Variants in SOX5 observed in about 807,000 individuals in gnomAD.
SOX5 encodes the protein SRY-box transcription factor 5.
In SOX5, 9 loss-of-function variants were observed where a neutral mutation model predicts 92.0. The ratio of observed to expected loss-of-function variants is 0.10; its 90% CI spans 0.06 to 0.17. SOX5 has a LOEUF of 0.17. Ranked by LOEUF, SOX5 falls within the 10% of genes least tolerant of loss-of-function variation. The pLI, the probability that SOX5 is intolerant of heterozygous loss-of-function variation, is 1.00. For missense variants in SOX5, 642 were observed against 944.5 expected (o/e 0.68, Z 4.20); for synonymous variants, 344 against 336.3 (o/e 1.02, Z -0.25).
chr12:24,014,961 T>C (rs1024197183), intron 4 of SOX5, among the ~76,000 whole-genome samples: 2 of 152,088 alleles, frequency 1.3e-5, no homozygotes, highest in African/African-American at 2.4e-5. Context: ...TTGGAGCTTA[T>C]CTCTTTCATC....
chr12:24,538,572 C>A (rs1342870538), intron 1 of SOX5, among the ~76,000 whole-genome samples: 1 of 148,818 alleles, frequency 6.7e-6, no homozygotes, highest in East Asian at 2.0e-4. Flanking sequence ...CAGATGTTGG[C>A]ATTACTTGGT....
At chr12:23,669,125 T>C (rs1012367836) in intron 6 of SOX5, among the ~76,000 whole-genome samples, 36 of 152,150 alleles carry the variant, frequency 2.4e-4, no homozygotes, top group Admixed American at 7.2e-4. Flanking sequence ...TTCACATACA[T>C]GGATGCTCTC....
chr12:24,084,052 G>A (rs946239168), intron 4 of SOX5, among the ~76,000 whole-genome samples: 3 of 152,052 alleles, frequency 2.0e-5, no homozygotes, highest in Non-Finnish European at 4.4e-5. Context: ...AAGGCACTGA[G>A]GAGATAAAAA....
chr12:24,285,393 T>C (rs763361971), intron 2 of SOX5, among the ~76,000 whole-genome samples: 12 of 152,192 alleles, frequency 7.9e-5, no homozygotes, highest in Non-Finnish European at 7.3e-5. Flanking sequence ...ATAATATTCA[T>C]GTTTTCATGT....
chr12:23,836,642 C>A (rs890348178), intron 3 of SOX5, among the ~76,000 whole-genome samples: 2 of 151,724 alleles, frequency 1.3e-5, no homozygotes, highest in African/African-American at 2.4e-5. Context: ...GGGGTAAGGT[C>A]GGAAATAATA....
chr12:23,780,368 T>C (rs2095250730), intron 3 of SOX5, among the ~76,000 whole-genome samples: 1 of 151,950 alleles, frequency 6.6e-6, no homozygotes, highest in African/African-American at 2.4e-5. Context: ...ATTTTATAGA[T>C]TTTTTTCTTC....
At chr12:24,470,731 A>G (rs1944725490) in intron 1 of SOX5, among the ~76,000 whole-genome samples, 1 of 152,206 alleles carries the variant, frequency 6.6e-6, no homozygotes, top group Non-Finnish European at 1.5e-5. Flanking sequence ...TCTGTGTTCA[A>G]ATCTCACTCC....
chr12:24,164,400 C>G (rs1293895282), intron 4 of SOX5, among the ~76,000 whole-genome samples: 1 of 151,988 alleles, frequency 6.6e-6, no homozygotes, highest in South Asian at 2.1e-4. Context: ...TCTAATTTCT[C>G]ACTCCTAGGC....
At chr12:24,492,055 C>T (rs1041679284) in intron 1 of SOX5, among the ~76,000 whole-genome samples, 3 of 152,140 alleles carry the variant, frequency 2.0e-5, no homozygotes, top group Non-Finnish European at 4.4e-5. Flanking sequence ...CATTCTCACC[C>T]ACCTTTTGGT....
intron 6 of SOX5, among the ~76,000 whole-genome samples, chr12:23,719,943 G>GTAA (rs575334039): frequency 1.7e-4 from 26 of 152,270 alleles, no homozygotes; most frequent in African/African-American, 6.0e-4. Context: ...AAGAGACAGT[G>GTAA]TAAAAGAGAG....
chr12:24,074,053 A>C (rs1474342227), intron 4 of SOX5, among the ~76,000 whole-genome samples: 1 of 152,278 alleles, frequency 6.6e-6, no homozygotes, highest in African/African-American at 2.4e-5. Flanking sequence ...CCCTCAAAAA[A>C]AAAAGCTCAG....
rs1301634783 is a variant in SOX5, at chr12:23,718,095, A to G, written c.810+16589T>C. Among the ~76,000 whole-genome samples the G allele has an allele frequency of 4.0e-5, 6 of 149,510 alleles. No homozygotes were observed. The East Asian group carries it at 1.2e-3, about 30-fold the overall frequency. ...GATAATTTTTAAAAACCTTTCTGCA[A>G]AGGAGTATATTTTTTAAAAAATCAA... is the stretch of plus-strand genomic sequence containing the variant. On this transcript the variant is annotated intron_variant, in intron 6 of 14. Transcript: ENST00000451604.
chr12:23,759,266 A>G (rs2094500913), intron 3 of SOX5, among the ~76,000 whole-genome samples: 1 of 152,018 alleles, frequency 6.6e-6, no homozygotes, highest in Admixed American at 6.6e-5. Context: ...CTTGCACTCT[A>G]GGATTCTGGA....
chr12:23,610,131 A>G (rs895445472), intron 8 of SOX5, among the ~76,000 whole-genome samples: 2 of 152,228 alleles, frequency 1.3e-5, no homozygotes, highest in African/African-American at 4.8e-5. Context: ...TATTAAATCA[A>G]TCATGCTTTT....
chr12:23,558,979 T>G (rs1264917117), intron 11 of SOX5, among the ~76,000 whole-genome samples: 1 of 152,186 alleles, frequency 6.6e-6, no homozygotes, highest in Admixed American at 6.5e-5. Context: ...GCTATGACAG[T>G]AAAGGCACAG....
At chr12:24,108,613 C>A (rs565891492) in intron 4 of SOX5, among the ~76,000 whole-genome samples, 1 of 152,210 alleles carries the variant, frequency 6.6e-6, no homozygotes, top group South Asian at 2.1e-4. Flanking sequence ...TTCAGAAATC[C>A]TATCTTTACA....
intron 6 of SOX5, among the ~76,000 whole-genome samples, chr12:23,677,381 A>T (rs1425652390): frequency 1.3e-5 from 2 of 152,236 alleles, no homozygotes; most frequent in Non-Finnish European, 2.9e-5. Flanking sequence ...ATGTAAGCTT[A>T]TTAGCAAATC....
intron 1 of SOX5, among the ~76,000 whole-genome samples, chr12:24,539,011 T>C (rs1177345528): frequency 6.6e-6 from 1 of 152,194 alleles, no homozygotes; most frequent in African/African-American, 2.4e-5. Flanking sequence ...CAAAAAGTCA[T>C]GGCAATTAAT....
chr12:23,908,445 A>G (rs2097316016), intron 1 of SOX5, among the ~76,000 whole-genome samples: 1 of 151,994 alleles, frequency 6.6e-6, no homozygotes, highest in Non-Finnish European at 1.5e-5. Context: ...ATTCTGGCCA[A>G]TTTAGGGGGC....
Sources: gnomAD v4.1 joint callset for allele counts (sites outside exome capture counted in the v4.1 genomes callset) on GRCh38, gnomAD v4.1.1 for gene constraint, MANE v1.5 for transcripts, NCBI Gene and HGNC (gene_info 2026-07-23, HGNC 2026-07-21) for gene names.